FAM135B: variants seen among roughly 807,000 people sequenced by gnomAD.
FAM135B encodes the protein protein FAM135B.
FAM135B carries 43 observed loss-of-function variants against 127.7 expected under a neutral mutation model. The observed-to-expected ratio is 0.34, with a 90% confidence interval of 0.26 to 0.43. The LOEUF is 0.43. FAM135B is among the 20% of genes least tolerant of loss of function. The pLI is 1.00. For missense variants in FAM135B, 1,558 were observed against 1,725.6 expected (o/e 0.90, Z 1.72); for synonymous variants, 670 against 665.1 (o/e 1.01, Z -0.11).
At chr8:138,480,879 A>G (rs1440155223) in intron 1 of FAM135B, among the ~76,000 whole-genome samples, 1 of 152,172 alleles carries the variant, frequency 6.6e-6, no homozygotes, top group Non-Finnish European at 1.5e-5. Flanking sequence ...AGGGCACTCA[A>G]CTCTCTGAGC....
At chr8:138,325,799 A>G (rs1285474959) in intron 2 of FAM135B, among the ~76,000 whole-genome samples, 2 of 152,230 alleles carry the variant, frequency 1.3e-5, no homozygotes, top group African/African-American at 4.8e-5. Context: ...GTGTCAACTT[A>G]AAGCAAACTA....
intron 1 of FAM135B, among the ~76,000 whole-genome samples, chr8:138,496,361 C>A (rs1815391450): frequency 6.6e-6 from 1 of 152,176 alleles, no homozygotes. Context: ...TCCAAGGACC[C>A]CAATGGCCAA....
intron 1 of FAM135B, among the ~76,000 whole-genome samples, chr8:138,453,425 CAAA>C (rs397891817): frequency 2.4e-5 from 2 of 84,286 alleles, no homozygotes; most frequent in Admixed American, 1.3e-4. Context: ...GTCCAAGTGA[CAAA>C]AAAAAAAAAA....
At chr8:138,216,600 C>G (rs1449889293) in intron 7 of FAM135B, among the ~76,000 whole-genome samples, 1 of 152,198 alleles carries the variant, frequency 6.6e-6, no homozygotes, top group Non-Finnish European at 1.5e-5. Context: ...AGTCAGTCAT[C>G]TGATGTGCTG....
At chr8:138,231,609 G>A (rs1819913823) in intron 7 of FAM135B, among the ~76,000 whole-genome samples, 1 of 152,322 alleles carries the variant, frequency 6.6e-6, no homozygotes, top group Non-Finnish European at 1.5e-5. Context: ...GAAAGGAGGT[G>A]AGCAGGTGAA....
At chr8:138,310,656 G>A (rs1319154274) in intron 3 of FAM135B, among the ~76,000 whole-genome samples, 185 bp downstream of exon 3, 1 of 152,166 alleles carries the variant, frequency 6.6e-6, no homozygotes, top group Non-Finnish European at 1.5e-5. Context: ...GGTTCCCCTT[G>A]CCACAATGTA....
chr8:138,156,994 A>T (rs906989134), intron 12 of FAM135B, among the ~76,000 whole-genome samples: 1 of 152,226 alleles, frequency 6.6e-6, no homozygotes, highest in Non-Finnish European at 1.5e-5. Context: ...ACACATCGAA[A>T]AAAGAGAATT....
In FAM135B at chr8:138,240,205, T is replaced by C. The variant is rs375715867; in HGVS notation, c.669+2737A>G. ...AGTGAATGAGTTCCCCCAAGCCACATAGCATTTATCATAGGAGGCATTTGT... is the reference window on the plus strand; with the variant it reads ...AGTGAATGAGTTCCCCCAAGCCACACAGCATTTATCATAGGAGGCATTTGT... On this transcript the variant is annotated intron_variant, in intron 7 of 19. Coordinates refer to ENST00000395297, the MANE Select transcript of FAM135B (RefSeq NM_015912.4). 5.9e-5 allele frequency among the ~76,000 whole-genome samples: 9 copies of C among 152,298 alleles called. No homozygotes were observed. In the East Asian group the frequency reaches 1.2e-3, roughly 20 times the overall value.
At chr8:138,188,466 G>A (rs972177728) in intron 9 of FAM135B, among the ~76,000 whole-genome samples, 1 of 152,182 alleles carries the variant, frequency 6.6e-6, no homozygotes, top group Non-Finnish European at 1.5e-5. Flanking sequence ...GAGTTGGCAA[G>A]GTTGTTGGTG....
intron 1 of FAM135B, among the ~76,000 whole-genome samples, chr8:138,411,738 C>G (rs1362152553): frequency 6.6e-6 from 1 of 152,156 alleles, no homozygotes; most frequent in Admixed American, 6.5e-5. Context: ...ACCTACTCAT[C>G]TGACAAAGGG....
chr8:138,297,449 A>C, intron 3 of FAM135B, among the ~76,000 whole-genome samples: 1 of 152,234 alleles, frequency 6.6e-6, no homozygotes, highest in Non-Finnish European at 1.5e-5. Context: ...TTATATTCCT[A>C]AAATAGGTCT....
chr8:138,362,277 CCATAT>C (rs1563935811), intron 2 of FAM135B, among the ~76,000 whole-genome samples: 2 of 97,878 alleles, frequency 2.0e-5, no homozygotes, highest in South Asian at 5.2e-4. Context: ...TCCCCCACCC[CCATAT>C]CTTTTTTTTT....
At chr8:138,388,981 G>A (rs1832381238) in intron 1 of FAM135B, among the ~76,000 whole-genome samples, 1 of 152,060 alleles carries the variant, frequency 6.6e-6, no homozygotes, top group South Asian at 2.1e-4. Context: ...TGATAGAAAG[G>A]TCATACAGGT....
At chr8:138,145,021 A>G (rs951948055) in intron 15 of FAM135B, among the ~76,000 whole-genome samples, 14 of 151,538 alleles carry the variant, frequency 9.2e-5, no homozygotes, top group Non-Finnish European at 1.6e-4. Flanking sequence ...GTTTAGTTTT[A>G]TTTTATTTTT....
At chr8:138,239,838 T>C (rs1453246831) in intron 7 of FAM135B, among the ~76,000 whole-genome samples, 1 of 152,232 alleles carries the variant, frequency 6.6e-6, no homozygotes, top group Non-Finnish European at 1.5e-5. Flanking sequence ...GATGAGTTCC[T>C]GTCCTTTGTA....
chr8:138,198,839 G>C (rs1816872829), intron 7 of FAM135B, among the ~76,000 whole-genome samples: 1 of 152,096 alleles, frequency 6.6e-6, no homozygotes, highest in African/African-American at 2.4e-5. Context: ...TTTGTTCTTA[G>C]AGCAGAGAAA....
intron 18 of FAM135B, among the ~76,000 whole-genome samples, chr8:138,137,794 C>A (rs932161877): frequency 6.6e-6 from 1 of 152,120 alleles, no homozygotes; most frequent in Non-Finnish European, 1.5e-5. Context: ...TCTGTCCCCA[C>A]AATGCAGACA....
At chr8:138,445,325 C>G (rs1488860044) in intron 1 of FAM135B, among the ~76,000 whole-genome samples, 1 of 152,150 alleles carries the variant, frequency 6.6e-6, no homozygotes, top group African/African-American at 2.4e-5. Context: ...CATTCTGATA[C>G]CAAAGCCTGG....
At position 138,317,674 on chromosome 8, in the gene FAM135B, T is replaced by C. The variant is rs1587071457; in HGVS notation, c.78-6754A>G. Among the ~76,000 whole-genome samples, 4 of 152,360 alleles carry C rather than the reference T, an allele frequency of 2.6e-5. No homozygotes were observed. The South Asian group carries it at 8.3e-4, about 32-fold the overall frequency. On this transcript the variant is annotated intron_variant, in intron 2 of 19. Transcript: ENST00000395297. ...ATCTATTGGAAAGGATAAGGCTCCA[T>C]ACCAACTGGAGAAAACGCAAACGCC...
Sources: allele counts gnomAD v4.1 joint callset (sites outside exome capture counted in the v4.1 genomes callset), GRCh38; gene constraint gnomAD v4.1.1; transcripts MANE v1.5; gene names NCBI Gene and HGNC (gene_info 2026-07-23, HGNC 2026-07-21).